The following CTDSPL2 variants were observed in gnomAD, a reference collection of about 807,000 sequenced individuals.
CTDSPL2 encodes CTD small phosphatase-like protein 2.
Under a neutral mutation model 60.0 loss-of-function variants are expected in CTDSPL2, and 5 were observed. The observed-to-expected ratio is 0.08, with a 90% CI of 0.04 to 0.18. The LOEUF (loss-of-function observed/expected upper bound fraction) is 0.18. Ranked by LOEUF, CTDSPL2 falls within the 10% of genes least tolerant of loss-of-function variation. The pLI is 1.00. For missense variants in CTDSPL2, 370 were observed against 548.8 expected (o/e 0.67, Z 3.26); for synonymous variants, 186 against 189.3 (o/e 0.98, Z 0.14).
chr15:44,483,464 G>GCCT (rs2081066401), intron 2 of CTDSPL2, among the ~76,000 whole-genome samples: 1 of 152,006 alleles, frequency 6.6e-6, no homozygotes, highest in African/African-American at 2.4e-5. Flanking sequence ...CCTGAACTCA[G>GCCT]GAGGTTGAGG....
At chr15:44,475,532 G>A (rs1483311695) in intron 2 of CTDSPL2, among the ~76,000 whole-genome samples, 3 of 151,908 alleles carry the variant, frequency 2.0e-5, no homozygotes, top group East Asian at 3.9e-4. Context: ...CCAGCTACTC[G>A]GGAGGCTGAG....
intron 1 of CTDSPL2, among the ~76,000 whole-genome samples, chr15:44,445,588 A>G (rs998029291): frequency 2.6e-5 from 4 of 151,874 alleles, no homozygotes; most frequent in Admixed American, 2.0e-4. Flanking sequence ...TGTTTCTATC[A>G]GAAGTTTAAT....
rs114082990 is a variant in CTDSPL2 at position 44,441,449 on chromosome 15, G to A, written c.-25+13677G>A. ...TATTGTGAGCCTTTGGTGGAGGTCT[G>A]TGGAAGATCTTGCAAATGGTTTCAA... On this transcript the variant is annotated intron_variant, in intron 1 of 12. Transcript: ENST00000260327. Among the ~76,000 whole-genome samples the A allele has an allele frequency of 8.3e-3, 1,260 of 152,322 alleles. 19 individuals carry two copies. Among genetic ancestry groups the A allele is most frequent in the African/African-American group, 0.028 (1,183 of 41,562 alleles).
rs28656431 is a variant in CTDSPL2, at chr15:44,447,928, C to T, written c.-24-11063C>T. ...ATGGCTAGGCCCATACACCCAGTCT[C>T]AGCACCCAGTGTCTGGCCCATGACG... On this transcript the variant is annotated intron_variant, in intron 1 of 12. Transcript: ENST00000260327. 8.7e-3 allele frequency: 1,483 copies of T among 170,848 alleles called. 21 individuals carry two copies. Among genetic ancestry groups the T allele is most frequent in the African/African-American group, 0.033 (1,375 of 42,142 alleles). The allele number at this position is 170,848 out of a possible 1,614,324, so 10.6% of individuals were successfully genotyped here. A position where few individuals can be genotyped will look rare whatever the true frequency, so the allele number is the denominator to read the frequency against.
chr15:44,528,711 CTG>C lies in CTDSPL2; in HGVS notation c.*4539_*4540del, dbSNP rs925842107. 1.3e-5 allele frequency: 2 copies of C among 151,980 alleles called. No individual in the cohort carries two copies. The highest frequency in any genetic ancestry group is 2.9e-5 in the Non-Finnish European group (2 of 68,012). 9.4% of individuals were successfully genotyped at this position (151,980 alleles called of 1,614,324 possible). ...TGAATGAGACCATTATATATATTAT[CTG>C]TAAAATATTTCACTATTTTTTTATT... is the stretch of plus-strand genomic sequence containing the variant. On this transcript the variant is annotated 3_prime_UTR_variant, in exon 13 of 13. Transcript: ENST00000260327.
chr15:44,506,263 C>T (rs2081461428), intron 8 of CTDSPL2, among the ~76,000 whole-genome samples: 1 of 151,910 alleles, frequency 6.6e-6, no homozygotes, highest in South Asian at 2.1e-4. Context: ...CTCCTCACCT[C>T]AAGTGATCTG....
In CTDSPL2 at chr15:44,524,764, G is replaced by C. The variant is rs1049431770; in HGVS notation, c.*590G>C. The C allele has an allele frequency of 1.3e-5, 2 of 152,522 alleles. No individual in the cohort carries two copies. The highest frequency in any genetic ancestry group is 2.9e-5 in the Non-Finnish European group (2 of 68,052). The allele number at this position is 152,522 out of a possible 1,614,324, so 9.4% of individuals were successfully genotyped here. A position where few individuals can be genotyped will look rare whatever the true frequency, so the allele number is the denominator to read the frequency against. The stretch of plus-strand genomic sequence containing the variant: ...ATTTTTAGTTTTTTATTATACATTT[G>C]AATGGCCGTTTTCCTGCTTTGTCTG... On this transcript the variant is annotated 3_prime_UTR_variant, in exon 13 of 13. Coordinates refer to ENST00000260327, the MANE Select transcript of CTDSPL2 (RefSeq NM_016396.3).
chr15:44,470,842 C>T (rs1186433128), intron 2 of CTDSPL2, among the ~76,000 whole-genome samples: 2 of 151,954 alleles, frequency 1.3e-5, no homozygotes, highest in Non-Finnish European at 2.9e-5. Context: ...GGATTTGTCC[C>T]ATCTTTTGTT....
At chr15:44,464,022 C>A (rs2080631790) in intron 2 of CTDSPL2, among the ~76,000 whole-genome samples, 1 of 151,976 alleles carries the variant, frequency 6.6e-6, no homozygotes, top group Non-Finnish European at 1.5e-5. Context: ...TACTTTTTTT[C>A]TTTTGAGATG....
At chr15:44,491,692 T>G (rs1489450812) in intron 5 of CTDSPL2, among the ~76,000 whole-genome samples, 1 of 152,182 alleles carries the variant, frequency 6.6e-6, no homozygotes. Flanking sequence ...TTGTGTTTGT[T>G]GTTGTTGTTT....
chr15:44,518,390 G>A (rs1485354277), intron 10 of CTDSPL2, among the ~76,000 whole-genome samples: 1 of 152,086 alleles, frequency 6.6e-6, no homozygotes, highest in East Asian at 1.9e-4. Context: ...TTTCTAAAAT[G>A]ATGTAGTATT....
intron 1 of CTDSPL2, among the ~76,000 whole-genome samples, chr15:44,444,095 G>A (rs1015529546): frequency 2.4e-4 from 36 of 151,920 alleles, no homozygotes; most frequent in Middle Eastern, 3.4e-3. Context: ...TTTAGGGATG[G>A]GGTCTCACCT....
chr15:44,433,936 G>T (rs1567055960), intron 1 of CTDSPL2, among the ~76,000 whole-genome samples: 1 of 144,162 alleles, frequency 6.9e-6, no homozygotes, highest in Admixed American at 6.9e-5. Flanking sequence ...CTGGGCAACA[G>T]AGCAAGACTC....
At chr15:44,470,889 A>G (rs1012284856) in intron 2 of CTDSPL2, among the ~76,000 whole-genome samples, 3 of 151,850 alleles carry the variant, frequency 2.0e-5, no homozygotes, top group African/African-American at 7.3e-5. Context: ...TGAACTAGCT[A>G]TTTTTTAGAA....
intron 2 of CTDSPL2, among the ~76,000 whole-genome samples, chr15:44,472,392 G>GA (rs1372062932): frequency 2.0e-5 from 3 of 152,198 alleles, no homozygotes; most frequent in Non-Finnish European, 4.4e-5. Context: ...TAGTGAGTGT[G>GA]AAGCAGTATG....
intron 1 of CTDSPL2, chr15:44,449,027 G>T: frequency 3.0e-6 from 1 of 332,242 alleles, no homozygotes; most frequent in Non-Finnish European, 5.8e-6. Context: ...GTTTCTTCCA[G>T]CCAACTTTGT....
intron 8 of CTDSPL2, among the ~76,000 whole-genome samples, chr15:44,512,041 A>T (rs139493943): frequency 0.017 from 2,537 of 151,994 alleles, 35 homozygotes; most frequent in Middle Eastern, 0.034. Context: ...CCAAAAAAAA[A>T]TTGTTTAAAG....
chr15:44,439,051 G>A (rs559349088), intron 1 of CTDSPL2, among the ~76,000 whole-genome samples: 1 of 151,964 alleles, frequency 6.6e-6, no homozygotes, highest in Non-Finnish European at 1.5e-5. Flanking sequence ...TTTGTTTTGT[G>A]ATGATGCCTA....
At chr15:44,470,501 G>A (rs2080784490) in intron 2 of CTDSPL2, 1 of 151,672 alleles carries the variant, frequency 6.6e-6, no homozygotes, top group Admixed American at 6.6e-5. Flanking sequence ...TGGCTGGAGT[G>A]CAGCTGCGCA....
Sources: allele counts gnomAD v4.1 joint callset (sites outside exome capture counted in the v4.1 genomes callset), GRCh38; gene constraint gnomAD v4.1.1; transcripts MANE v1.5; gene names NCBI Gene and HGNC (gene_info 2026-07-23, HGNC 2026-07-21).